Variants in STAB2 observed in about 807,000 individuals in gnomAD.
STAB2 encodes stabilin-2.
A neutral mutation model predicts 338.1 loss-of-function variants in STAB2; 288 were observed. That is an observed-to-expected ratio of 0.85 (90% CI 0.77 to 0.94). The LOEUF (loss-of-function observed/expected upper bound fraction) is 0.94, where lower values mean the gene tolerates loss of function less well. STAB2 is among the 40% of genes least tolerant of loss of function. The pLI is 0.00. For synonymous variants in STAB2, 1,202 were observed against 1,193.3 expected, an observed-to-expected ratio of 1.01 and a Z score of -0.15; for missense variants, 3,141 against 3,210.1, an observed-to-expected ratio of 0.98 and a Z score of 0.52.
In STAB2 at chr12:103,590,968, A is replaced by G. The variant is rs760884681; in HGVS notation, c.153A>G (p.Gly51=). The G allele has an allele frequency of 6.2e-7, 1 of 1,614,086 alleles. No homozygotes were observed. Among genetic ancestry groups the G allele is most frequent in the Admixed American group, 1.7e-5 (1 of 60,002 alleles). The stretch of plus-strand genomic sequence containing the variant: ...GCCGATCCTGCGCTCTCAACCTTGG[A>G]GTCAAGTGCCCGGATGGTTACACCA... ...TECRSCALNL[G]VKCPDGYTMI... Residue 51 remains glycine (G), a synonymous_variant, in exon 2 of 69, where the codon GGA becomes GGG. Transcript: ENST00000388887.
intron 4 of STAB2, 136 bp from the exon 5 acceptor site, chr12:103,621,903 AAAC>A: frequency 1.4e-6 from 1 of 728,518 alleles, no homozygotes; most frequent in South Asian, 1.9e-5. Flanking sequence ...TAACACAAAT[AAAC>A]AGAAAGAAGA....
At chr12:103,735,641 C>T (rs1350384432) in intron 52 of STAB2, 61 bp downstream of exon 52, 13 of 1,257,502 alleles carry the variant, frequency 1.0e-5, no homozygotes, top group South Asian at 3.0e-5. Flanking sequence ...AAGCTATTCC[C>T]CAACAACTGC....
chr12:103,764,527 C>A (rs1029445054), intron 68 of STAB2, among the ~76,000 whole-genome samples: 6 of 152,074 alleles, frequency 3.9e-5, no homozygotes, highest in Non-Finnish European at 5.9e-5. Flanking sequence ...GTACATCCTG[C>A]CTGTAGTTTA....
chr12:103,643,444 A>T (rs982350239), intron 9 of STAB2, among the ~76,000 whole-genome samples: 2 of 151,896 alleles, frequency 1.3e-5, no homozygotes, highest in South Asian at 2.1e-4. Flanking sequence ...TCAGCCTAAC[A>T]CCCTGCTCCT....
At chr12:103,607,791 G>A (rs1957055196) in intron 3 of STAB2, among the ~76,000 whole-genome samples, 1 of 152,144 alleles carries the variant, frequency 6.6e-6, no homozygotes, top group African/African-American at 2.4e-5. Flanking sequence ...TATCATTGAT[G>A]GACATTTGGG....
intron 44 of STAB2, among the ~76,000 whole-genome samples, chr12:103,719,199 T>C (rs1880563745): frequency 6.6e-6 from 1 of 152,190 alleles, no homozygotes; most frequent in African/African-American, 2.4e-5. Flanking sequence ...GTTTGTGTGG[T>C]CAGCTAGGCC....
intron 3 of STAB2, among the ~76,000 whole-genome samples, chr12:103,608,184 G>A (rs937911441): frequency 3.3e-5 from 5 of 152,196 alleles, no homozygotes; most frequent in Non-Finnish European, 5.9e-5. Context: ...TGTCGCCCAG[G>A]CTGGAGTGCA....
At chr12:103,757,864 TG>T (rs1009855951) in intron 63 of STAB2, 5 of 381,708 alleles carry the variant, frequency 1.3e-5, no homozygotes, top group Non-Finnish European at 2.5e-5. Context: ...CTGAGTGAAG[TG>T]GGGGGCCACT....
intron 5 of STAB2, among the ~76,000 whole-genome samples, chr12:103,625,811 A>G (rs1225516344): frequency 2.0e-5 from 3 of 152,338 alleles, no homozygotes; most frequent in Admixed American, 6.5e-5. Flanking sequence ...TAGTGCCGCA[A>G]TAAACATGTG....
intron 19 of STAB2, 47 bp downstream of exon 19, chr12:103,666,400 A>T (rs750939869): frequency 1.2e-6 from 2 of 1,601,504 alleles, no homozygotes; most frequent in Admixed American, 3.3e-5. Context: ...AAGCAGCCCC[A>T]CTGGTGTGGT....
intron 2 of STAB2, 152 bp downstream of exon 2, chr12:103,591,182 A>G: frequency 1.0e-6 from 1 of 1,000,712 alleles, no homozygotes; most frequent in Non-Finnish European, 1.4e-6. Flanking sequence ...TAAGTCTAAA[A>G]TATATAAAAT....
intron 56 of STAB2, among the ~76,000 whole-genome samples, chr12:103,743,014 T>A (rs561013585): frequency 0.024 from 2,011 of 83,152 alleles, 49 homozygotes; most frequent in African/African-American, 0.081. Flanking sequence ...GAGCCAGCAA[T>A]TTTTTTTTCT....
At position 103,728,879 on chromosome 12, in the gene STAB2, C is replaced by G. The variant is rs555809003; in HGVS notation, c.4966C>G (p.Pro1656Ala). Residue 1656 changes from proline (P) to alanine (A), a missense_variant, in exon 48 of 69, where the codon CCC (proline) becomes GCC (alanine). Coordinates refer to ENST00000388887, the MANE Select transcript of STAB2 (RefSeq NM_017564.10). ...AGACTGGGACAAATACGGTTTAATG[C>G]CCCAGGTTCTTCGGTACCATGTGGT... ...VKDWDKYGLM[P>A]QVLRYHVVAC... 1.7e-5 allele frequency: 27 copies of G among 1,613,966 alleles called. No individual in the cohort carries two copies. In the South Asian group the frequency reaches 2.7e-4, roughly 16 times the overall value.
chr12:103,737,820 G>A, intron 53 of STAB2, 40 bp downstream of exon 53: 1 of 1,611,036 alleles, frequency 6.2e-7, no homozygotes, highest in Non-Finnish European at 8.5e-7. Context: ...AGAACCTTAA[G>A]CCAAAGAATG....
rs1449448703 is a variant in STAB2, at chr12:103,749,056, G to A, written c.6338G>A (p.Gly2113Glu). ...GTKVSCSCQK[G>E]YKGDGHSCTE... is the part of the protein sequence containing the mutation. ...AAGGTCTCCTGCAGCTGCCAGAAGG[G>A]ATACAAAGGGGACGGGCACAGCTGC... Residue 2113 changes from glycine (G) to glutamate (E), a missense_variant, in exon 59 of 69, where the codon GGA (glycine) becomes GAA (glutamate). By Grantham distance (98) the Gly-to-Glu change is moderately conservative. Transcript: ENST00000388887. 1.2e-6 allele frequency: 2 copies of A among 1,614,126 alleles called. No individual in the cohort carries two copies. Among genetic ancestry groups the A allele is most frequent in the Admixed American group, 3.3e-5 (2 of 60,024 alleles).
At chr12:103,669,474 G>T in intron 20 of STAB2, 67 bp from the exon 21 acceptor site, 1 of 1,334,042 alleles carries the variant, frequency 7.5e-7, no homozygotes, top group South Asian at 1.2e-5. Flanking sequence ...AAATTAAAAT[G>T]CATCCCCTTT....
chr12:103,712,720 C>T (rs751470505), intron 41 of STAB2, among the ~76,000 whole-genome samples: 2 of 152,122 alleles, frequency 1.3e-5, no homozygotes, highest in South Asian at 2.1e-4. Context: ...ATGCTAATTA[C>T]CCTCATCTAT....
At chr12:103,695,959 T>A in intron 33 of STAB2, 115 bp downstream of exon 33, 1 of 968,160 alleles carries the variant, frequency 1.0e-6, no homozygotes, top group Non-Finnish European at 1.6e-6. Flanking sequence ...CATAGCCACA[T>A]ACTTGACGTA....
chr12:103,645,592 G>A (rs1873271183), intron 9 of STAB2, among the ~76,000 whole-genome samples: 1 of 152,210 alleles, frequency 6.6e-6, no homozygotes. Context: ...GTTGTCTTAT[G>A]TCACTTCCCA....
Sources: gnomAD v4.1 joint callset for allele counts (sites outside exome capture counted in the v4.1 genomes callset) on GRCh38, gnomAD v4.1.1 for gene constraint, MANE v1.5 for transcripts, NCBI Gene and HGNC (gene_info 2026-07-23, HGNC 2026-07-21) for gene names.